GTPBP1: variants seen among roughly 807,000 people sequenced by gnomAD.
GTPBP1 encodes GTP binding protein 1, also known as GTP-binding protein 1.
GTPBP1 carries 23 observed loss-of-function variants against 62.0 expected under a neutral mutation model. That is an observed-to-expected ratio of 0.37 (90% CI 0.27 to 0.53). The LOEUF is 0.53. GTPBP1 is among the 20% of genes least tolerant of loss of function. The probability of loss-of-function intolerance (pLI) is 0.89; values close to 1 mark genes in which losing one functional copy is unlikely to be tolerated. For missense variants in GTPBP1, 640 were observed against 917.3 expected, an observed-to-expected ratio of 0.70 and a Z score of 3.90; for synonymous variants, 344 against 364.4, an observed-to-expected ratio of 0.94 and a Z score of 0.64.
In GTPBP1 at chr22:38,729,628, G is replaced by A; in HGVS notation, c.1883G>A (p.Gly628Glu). Residue 628 changes from glycine (G) to glutamate (E), a missense_variant, in exon 11 of 12, where the codon GGG becomes GAG. By Grantham distance (98) the Gly-to-Glu change is moderately conservative. Coordinates refer to ENST00000216044, the MANE Select transcript of GTPBP1 (RefSeq NM_004286.5). The stretch of plus-strand genomic sequence containing the variant: ...GATGAAGCCTCCTCTGTAGGGGCAG[G>A]GCAACCAGCTGCGTCCAGCAATCTC... The part of the protein sequence containing the change: ...PGDEASSVGA[G>E]QPAASSNLQP... 1 of 1,521,892 alleles carries A rather than the reference G, an allele frequency of 6.6e-7. No individual in the cohort carries two copies. The highest frequency in any genetic ancestry group is 8.8e-7 in the Non-Finnish European group (1 of 1,135,998). 94.3% of individuals were successfully genotyped at this position (1,521,892 alleles called of 1,614,324 possible). A position where few individuals can be genotyped will look rare whatever the true frequency, so the allele number is the denominator to read the frequency against.
chr22:38,708,991 A>G, intron 2 of GTPBP1, 35 bp downstream of exon 2: 1 of 1,332,982 alleles, frequency 7.5e-7, no homozygotes, highest in Non-Finnish European at 1.1e-6. Context: ...TATTTTTAAA[A>G]ATTATTGGGC....
chr22:38,717,062 G>A, intron 4 of GTPBP1, 62 bp downstream of exon 4: 1 of 1,027,702 alleles, frequency 9.7e-7, no homozygotes, highest in East Asian at 2.4e-5. Flanking sequence ...CTGGTTATGT[G>A]CAAGTCTGAA....
chr22:38,720,558 T>A (rs2092694598), intron 4 of GTPBP1, among the ~76,000 whole-genome samples: 1 of 152,124 alleles, frequency 6.6e-6, no homozygotes, highest in African/African-American at 2.4e-5. Context: ...ATGATAGCAT[T>A]CTATATGCAA....
chr22:38,718,577 G>A (rs536063229), intron 4 of GTPBP1, among the ~76,000 whole-genome samples: 1 of 152,310 alleles, frequency 6.6e-6, no homozygotes, highest in African/African-American at 2.4e-5. Flanking sequence ...ACAGGAAGAC[G>A]TCGGGAAGAC....
Position 38,731,783 on chromosome 22 carries a change from G to T in GTPBP1, c.*1079G>T, listed in dbSNP as rs1158387730. On this transcript the variant is annotated 3_prime_UTR_variant, in exon 12 of 12. Coordinates refer to ENST00000216044, the MANE Select transcript of GTPBP1 (RefSeq NM_004286.5). ...CCATCTTCCCCACCACGCCACCCCT[G>T]TGGCTGCTACAGGAGCACAGTAGTG... 3 of 152,420 alleles carry T rather than the reference G, an allele frequency of 2.0e-5. No individual in the cohort carries two copies. In the East Asian group the frequency reaches 5.8e-4, roughly 29 times the overall value. 9.4% of individuals were successfully genotyped at this position (152,420 alleles called of 1,614,324 possible). A position where few individuals can be genotyped will look rare whatever the true frequency, so the allele number is the denominator to read the frequency against.
Position 38,727,259 on chromosome 22 carries a change from G to T in GTPBP1, c.1448G>T (p.Arg483Leu), listed in dbSNP as rs369281526. 18 of 1,602,610 alleles carry T rather than the reference G, an allele frequency of 1.1e-5. No individual in the cohort carries two copies. The highest frequency in any genetic ancestry group is 1.5e-5 in the Non-Finnish European group (18 of 1,174,442). The change falls in exon 9 of 12, where the codon CGT becomes CTT. Residue 483 changes from arginine to leucine, a missense_variant. Transcript: ENST00000216044. This position sits in a 1 kb window ranked among gnomAD's most constrained non-coding sequence, Gnocchi z 6.5. ...IRKGMVMVSP[R>L]LNPQASWEFE... ...AAGGGCATGGTGATGGTTTCCCCAC[G>T]TTTGAATCCCCAAGCCTCCTGGGAG...
Position 38,726,493 on chromosome 22 carries a change from T to C in GTPBP1, c.1401+53T>C, listed in dbSNP as rs559941463. On this transcript the variant is annotated intron_variant, in intron 8 of 11. Coordinates refer to ENST00000216044, the MANE Select transcript of GTPBP1 (RefSeq NM_004286.5). The surrounding 1 kb of genome is among the most constrained non-coding windows in gnomAD (Gnocchi z 4.1). ...CCTCAGACTCCATCATGCTAGGCTC[T>C]TGGCCAGATGCCCTGCTCACCCACT... 135 of 1,476,768 alleles carry C rather than the reference T, an allele frequency of 9.1e-5. No homozygotes were observed. The highest frequency in any genetic ancestry group is 1.2e-4 in the Non-Finnish European group (131 of 1,063,228). The allele number at this position is 1,476,768 out of a possible 1,614,324, so 91.5% of individuals were successfully genotyped here.
chr22:38,723,548 T>TA lies in GTPBP1; in HGVS notation c.959-749_959-748insA, dbSNP rs546424097. 421 of 607,284 alleles carry TA rather than the reference T, an allele frequency of 6.9e-4. 4 individuals carry two copies. In the East Asian group the frequency reaches 0.012, roughly 17 times the overall value. 37.6% of individuals were successfully genotyped at this position (607,284 alleles called of 1,614,324 possible). A position where few individuals can be genotyped will look rare whatever the true frequency, so the allele number is the denominator to read the frequency against. Reference sequence around the variant, plus strand: ...AAACTTCCTTTGTCTTGTACTTAGGTCTTGGCCTGAATTTCCATCAGCCCA... The same window carrying TA: ...AAACTTCCTTTGTCTTGTACTTAGGTACTTGGCCTGAATTTCCATCAGCCCA... On this transcript the variant is annotated intron_variant, in intron 5 of 11. Transcript: ENST00000216044.
downstream of GTPBP1, chr22:38,736,275 C>T (rs200715757): frequency 2.3e-5 from 37 of 1,612,170 alleles, no homozygotes; most frequent in Middle Eastern, 1.7e-4. Context: ...GGCTAGTGGG[C>T]GGGCTCCCCA....
chr22:38,737,004 C>T (rs192379207), downstream of GTPBP1, among the ~76,000 whole-genome samples: 210 of 152,258 alleles, frequency 1.4e-3, 4 homozygotes, highest in Admixed American at 0.012. This position sits in a 1 kb window ranked among gnomAD's most constrained non-coding sequence, Gnocchi z 4.1. Flanking sequence ...TCACCACACC[C>T]GGCTAAATTT....
chr22:38,735,257 G>A (rs1051980061), downstream of GTPBP1: 10 of 455,674 alleles, frequency 2.2e-5, no homozygotes, highest in Admixed American at 4.7e-5. Flanking sequence ...CTGAACAAGA[G>A]CTGCAAGAGC....
At chr22:38,706,588 AG>A in intron 1 of GTPBP1, 2 of 164,230 alleles carry the variant, frequency 1.2e-5, no homozygotes, top group Admixed American at 6.0e-5. Context: ...GGGCCCGGGC[AG>A]GGGGCCGAGA....
Position 38,729,554 on chromosome 22 carries a change from CGAG to C in GTPBP1, c.1811_1813del (p.Glu604del). 6.2e-7 allele frequency: 1 copy of C among 1,604,020 alleles called. No homozygotes were observed. The highest frequency in any genetic ancestry group is 8.5e-7 in the Non-Finnish European group (1 of 1,175,402). ...AAAAGGGCCCCCTGACGAAACGAGA[CGAG>C]GGGGGCCCGTCTGGTGGGCCAGCAG... On this transcript the variant is annotated inframe_deletion, in exon 11 of 12. Coordinates refer to ENST00000216044, the MANE Select transcript of GTPBP1 (RefSeq NM_004286.5).
rs1205682829 is a variant in GTPBP1, at chr22:38,730,852, A to AG, written c.*154dup. 3 of 561,422 alleles carry AG rather than the reference A, an allele frequency of 5.3e-6. No individual in the cohort carries two copies. The highest frequency in any genetic ancestry group is 6.5e-5 in the East Asian group (2 of 30,820). The allele number at this position is 561,422 out of a possible 1,614,324, so 34.8% of individuals were successfully genotyped here. ...CGCATTGCCCCCACCCCCATTTTCC[A>AG]GGGGGGTTGTAATTTATAAGCTGAC... On this transcript the variant is annotated 3_prime_UTR_variant, in exon 12 of 12. Transcript: ENST00000216044. This position sits in a 1 kb window ranked among gnomAD's most constrained non-coding sequence, Gnocchi z 5.6.
rs1296487500 is a variant in GTPBP1 at position 38,727,154 on chromosome 22, AG to A, written c.1402-55del. On this transcript the variant is annotated intron_variant, in intron 8 of 11. Transcript: ENST00000216044. The surrounding 1 kb of genome is among the most constrained non-coding windows in gnomAD (Gnocchi z 6.5). ...AGAAAGACTCTTGGTCCCTGGGACC[AG>A]GGGTGAAACCAGAAGGCATAATTGT... is the stretch of plus-strand genomic sequence containing the variant. 6.8e-7 allele frequency: 1 copy of A among 1,468,110 alleles called. No homozygotes were observed. Among genetic ancestry groups the A allele is most frequent in the East Asian group, 2.6e-5 (1 of 38,716 alleles). The allele number at this position is 1,468,110 out of a possible 1,614,324, so 90.9% of individuals were successfully genotyped here. A position where few individuals can be genotyped will look rare whatever the true frequency, so the allele number is the denominator to read the frequency against.
Position 38,726,433 on chromosome 22 carries a change from TGAA to T in GTPBP1, c.1399_1401del (p.Lys467del). On this transcript the variant is annotated inframe_deletion, in exon 8 of 12. Transcript: ENST00000216044. The surrounding 1 kb of genome is among the most constrained non-coding windows in gnomAD (Gnocchi z 4.1). ...GGTGGCCAGACAGCATCCTTTGCGC[TGAA>T]GAAGGTGAGTAGCGATGATACTGAA... The T allele has an allele frequency of 1.2e-6, 2 of 1,612,492 alleles. No homozygotes were observed. The highest frequency in any genetic ancestry group is 1.7e-6 in the Non-Finnish European group (2 of 1,179,290).
chr22:38,737,148 C>T (rs774778688), downstream of GTPBP1, among the ~76,000 whole-genome samples: 3 of 152,154 alleles, frequency 2.0e-5, no homozygotes, highest in Non-Finnish European at 2.9e-5. This position sits in a 1 kb window ranked among gnomAD's most constrained non-coding sequence, Gnocchi z 4.1. Context: ...CGTCTGGCCT[C>T]TATACTTTCC....
chr22:38,728,180 T>C lies in GTPBP1; in HGVS notation c.1716+19T>C, dbSNP rs80140331. ...CACCAAGGTATGGCCAGGACAGACCTTGCCTGCCTCCAGGAAGCACCAGGG... is the reference window on the plus strand; with the variant it reads ...CACCAAGGTATGGCCAGGACAGACCCTGCCTGCCTCCAGGAAGCACCAGGG... On this transcript the variant is annotated intron_variant, in intron 10 of 11. Coordinates refer to ENST00000216044, the MANE Select transcript of GTPBP1 (RefSeq NM_004286.5). 1,053 of 1,594,638 alleles carry C rather than the reference T, an allele frequency of 6.6e-4. 12 individuals are homozygous for C. The East Asian group carries it at 0.018, about 27-fold the overall frequency.
chr22:38,711,409 A>C lies in GTPBP1; in HGVS notation c.304+2453A>C, dbSNP rs1430209257. The stretch of plus-strand genomic sequence containing the variant: ...GTCTTAAAATGGGGATAATAATGGA[A>C]TCTCTCCCATGGTGTAGTAGTGAAG... On this transcript the variant is annotated intron_variant, in intron 2 of 11. Transcript: ENST00000216044. Among the ~76,000 whole-genome samples the C allele has an allele frequency of 2.0e-5, 3 of 152,186 alleles. No individual in the cohort carries two copies. In the East Asian group the frequency reaches 5.8e-4, roughly 29 times the overall value.
Sources: gnomAD v4.1 joint callset for allele counts (sites outside exome capture counted in the v4.1 genomes callset) on GRCh38, gnomAD v4.1.1 for gene constraint, Gnocchi (gnomAD v3.1) non-coding constraint, MANE v1.5 for transcripts, NCBI Gene and HGNC (gene_info 2026-07-23, HGNC 2026-07-21) for gene names.